The following UIMC1 variants were observed in gnomAD, a reference collection of about 807,000 sequenced individuals.
UIMC1 encodes BRCA1-A complex subunit RAP80.
UIMC1 carries 42 observed loss-of-function variants against 84.9 expected under a neutral mutation model. The ratio of observed to expected loss-of-function variants is 0.49; its 90% CI spans 0.39 to 0.64. The LOEUF (loss-of-function observed/expected upper bound fraction) is 0.64. Among genes scored for constraint, UIMC1 ranks in the 30% least tolerant of loss-of-function variants. The pLI, the probability that UIMC1 is intolerant of heterozygous loss-of-function variation, is 0.00. For missense variants in UIMC1, 825 were observed against 847.6 expected (o/e 0.97, Z 0.33); for synonymous variants, 281 against 293.0 (o/e 0.96, Z 0.42).
chr5:177,021,985 G>A (rs1775868669), intron 1 of UIMC1, among the ~76,000 whole-genome samples: 1 of 152,160 alleles, frequency 6.6e-6, no homozygotes, highest in African/African-American at 2.4e-5. Flanking sequence ...GAGATGGGAA[G>A]CTGTTGGAGG....
intron 1 of UIMC1, among the ~76,000 whole-genome samples, chr5:176,991,126 G>C (rs1041343930): frequency 6.6e-5 from 10 of 151,828 alleles, no homozygotes; most frequent in African/African-American, 9.7e-5. Flanking sequence ...TCCTGCTTCA[G>C]CCTCCTGAGT....
At chr5:177,021,069 G>A (rs1246456538) in intron 1 of UIMC1, among the ~76,000 whole-genome samples, 1 of 152,062 alleles carries the variant, frequency 6.6e-6, no homozygotes, top group Admixed American at 6.6e-5. Context: ...TATGAGATCA[G>A]GAGTTTGAGA....
intron 10 of UIMC1, among the ~76,000 whole-genome samples, chr5:176,915,256 T>C (rs942145195): frequency 3.0e-5 from 4 of 134,908 alleles, no homozygotes; most frequent in Non-Finnish European, 4.8e-5. Flanking sequence ...TTTTTTTTTT[T>C]CTCTTCAGCA....
At chr5:177,000,234 A>C (rs527667326) in intron 1 of UIMC1, among the ~76,000 whole-genome samples, 2 of 151,928 alleles carry the variant, frequency 1.3e-5, no homozygotes, top group African/African-American at 4.8e-5. Flanking sequence ...GATTACCGGC[A>C]TAAGCCACCG....
intron 2 of UIMC1, chr5:176,980,318 G>GTCCATCCGTCCATCCA (rs1770819144): frequency 6.6e-6 from 1 of 151,490 alleles, no homozygotes; most frequent in Non-Finnish European, 1.5e-5. Flanking sequence ...CCGTCCATCC[G>GTCCATCCGTCCATCCA]TCCATCCGTC....
At chr5:176,971,761 T>C (rs1316618722) in intron 3 of UIMC1, among the ~76,000 whole-genome samples, 1 of 151,492 alleles carries the variant, frequency 6.6e-6, no homozygotes, top group Non-Finnish European at 1.5e-5. Context: ...ACACAAAAAT[T>C]AGCCAGGCAT....
At chr5:176,926,682 A>T (rs1265786203) in intron 10 of UIMC1, among the ~76,000 whole-genome samples, 1 of 152,182 alleles carries the variant, frequency 6.6e-6, no homozygotes, top group Non-Finnish European at 1.5e-5. Context: ...TAATTAAAGT[A>T]TTTAGAGGTA....
upstream of UIMC1, among the ~76,000 whole-genome samples, chr5:177,010,214 T>G (rs1269679626): frequency 6.6e-6 from 1 of 151,992 alleles, no homozygotes; most frequent in Non-Finnish European, 1.5e-5. Flanking sequence ...AGACCCTGTC[T>G]CAGAAAAAAG....
At chr5:177,006,062 C>T (rs353490) in intron 1 of UIMC1, among the ~76,000 whole-genome samples, 88,101 of 152,132 alleles carry the variant, frequency 0.58, 27,323 homozygotes, top group African/African-American at 0.82. Flanking sequence ...AACAAAACAG[C>T]AACCCGGCAC....
intron 10 of UIMC1, among the ~76,000 whole-genome samples, chr5:176,930,365 G>T (rs1030200707): frequency 4.6e-5 from 7 of 152,174 alleles, no homozygotes; most frequent in Admixed American, 4.6e-4. Flanking sequence ...ATTCATGGAA[G>T]ATTCTATAGA....
intron 10 of UIMC1, among the ~76,000 whole-genome samples, chr5:176,925,545 GA>G (rs1482375538): frequency 1.3e-5 from 2 of 151,938 alleles, no homozygotes; most frequent in African/African-American, 2.4e-5. Flanking sequence ...CATTCTTAGT[GA>G]AAAATACACC....
intron 1 of UIMC1, among the ~76,000 whole-genome samples, chr5:177,019,093 T>C (rs1197400715): frequency 3.3e-5 from 5 of 152,102 alleles, no homozygotes; most frequent in East Asian, 1.9e-4. Flanking sequence ...AGTAAATAAA[T>C]AAATAAAAAG....
intron 10 of UIMC1, among the ~76,000 whole-genome samples, chr5:176,923,667 C>G (rs1320346386): frequency 6.6e-6 from 1 of 151,446 alleles, no homozygotes; most frequent in Non-Finnish European, 1.5e-5. Flanking sequence ...AGTTTGAGAC[C>G]AGCCTGGCCA....
chr5:176,998,003 T>C (rs993903194), intron 1 of UIMC1, among the ~76,000 whole-genome samples: 2 of 152,146 alleles, frequency 1.3e-5, no homozygotes, highest in African/African-American at 4.8e-5. Flanking sequence ...ATACCTCTAC[T>C]ATACATTTTC....
Position 176,975,404 on chromosome 5 carries a change from T to C in UIMC1, c.224A>G (p.Lys75Arg), listed in dbSNP as rs1769904871. The C allele has an allele frequency of 1.2e-6, 2 of 1,613,916 alleles. No homozygotes were observed. Among genetic ancestry groups the C allele is most frequent in the Non-Finnish European group, 1.7e-6 (2 of 1,179,920 alleles). Residue 75 changes from lysine (K) to arginine (R), a missense_variant, in exon 3 of 15, where the codon AAA (lysine) becomes AGA (arginine). Physicochemically the swap from Lys to Arg is conservative, Grantham distance 26. Coordinates refer to ENST00000511320, the MANE Select transcript of UIMC1 (RefSeq NM_001199298.2). ...SNRAKCLAKR[K>R]IAQMTEEEQF... is the part of the protein sequence containing the mutation. ...ACAAAATGAAAACATACGTGCGATT[T>C]TTCTTTTGGCCAAACACTTTGCTCT...
At chr5:176,973,316 C>A (rs370828837) in intron 3 of UIMC1, among the ~76,000 whole-genome samples, 8 of 152,108 alleles carry the variant, frequency 5.3e-5, no homozygotes, top group African/African-American at 1.7e-4. Context: ...AAATAAAAAT[C>A]TTTTTATATA....
Position 177,006,670 on chromosome 5 carries a change from G to A in UIMC1, c.-29C>T, listed in dbSNP as rs1775316831. 1.3e-5 allele frequency: 2 copies of A among 152,234 alleles called. No homozygotes were observed. The highest frequency in any genetic ancestry group is 1.3e-4 in the Admixed American group (2 of 15,282). The allele number at this position is 152,234 out of a possible 1,614,324, so 9.4% of individuals were successfully genotyped here. ...CTCACTCGCTGGCGCAGGCCGCTCTGTAGACCTTCTCCGGGTTGCCGGGGG... is the reference window on the plus strand; with the variant it reads ...CTCACTCGCTGGCGCAGGCCGCTCTATAGACCTTCTCCGGGTTGCCGGGGG... On this transcript the variant is annotated 5_prime_UTR_variant, in exon 1 of 15. Coordinates refer to ENST00000511320, the MANE Select transcript of UIMC1 (RefSeq NM_001199298.2).
chr5:176,926,226 T>C (rs577428803), intron 10 of UIMC1, among the ~76,000 whole-genome samples: 15 of 152,234 alleles, frequency 9.9e-5, no homozygotes, highest in African/African-American at 2.2e-4. Context: ...AGGATACTAC[T>C]GGAACAACTG....
intron 1 of UIMC1, among the ~76,000 whole-genome samples, chr5:176,988,200 T>C (rs1237977935): frequency 6.8e-6 from 1 of 145,990 alleles, no homozygotes; most frequent in Non-Finnish European, 1.5e-5. Context: ...CACAATGAAA[T>C]ATCACTTTAT....
Sources: allele counts gnomAD v4.1 joint callset (sites outside exome capture counted in the v4.1 genomes callset), GRCh38; gene constraint gnomAD v4.1.1; transcripts MANE v1.5; gene names NCBI Gene and HGNC (gene_info 2026-07-23, HGNC 2026-07-21).